PCDH11X: variants seen among roughly 807,000 people sequenced by gnomAD.
PCDH11X encodes protocadherin 11 X-linked, also known as protocadherin-11 X-linked.
A neutral mutation model predicts 53.3 loss-of-function variants in PCDH11X; 18 were observed. The ratio of observed to expected loss-of-function variants is 0.34; its 90% CI spans 0.23 to 0.50. The LOEUF is 0.50. Among genes scored for constraint, PCDH11X ranks in the 20% least tolerant of loss-of-function variants. PCDH11X has a pLI of 0.98. For synonymous variants in PCDH11X, 279 were observed against 393.3 expected, an observed-to-expected ratio of 0.71 and a Z score of 3.44; for missense variants, 570 against 1,032.4, an observed-to-expected ratio of 0.55 and a Z score of 6.14.
chrX:92,144,102 C>G (rs1296862308), intron 6 of PCDH11X, among the ~76,000 whole-genome samples: 1 of 111,514 alleles, frequency 9.0e-6, no homozygotes, highest in African/African-American at 3.3e-5. Flanking sequence ...AATACCTGAA[C>G]CCCCATTGTA....
intron 6 of PCDH11X, among the ~76,000 whole-genome samples, chrX:92,148,070 C>CTTTCTTTG (rs2065338158): frequency 1.3e-4 from 1 of 7,460 alleles, no homozygotes; most frequent in South Asian, 8.6e-3. Flanking sequence ...TTCTTTCTTT[C>CTTTCTTTG]TTTCTTTCTT....
intron 10 of PCDH11X, among the ~76,000 whole-genome samples, chrX:92,507,071 C>T: frequency 1.8e-5 from 2 of 110,207 alleles, no homozygotes; most frequent in Middle Eastern, 9.5e-3. Flanking sequence ...TATTAAAGCC[C>T]CCTTTTTCAT....
intron 9 of PCDH11X, among the ~76,000 whole-genome samples, chrX:92,388,582 T>C (rs1177822976): frequency 9.2e-6 from 1 of 108,954 alleles, no homozygotes; most frequent in East Asian, 2.9e-4. Context: ...CTTGAACGTG[T>C]AGCGAACAAC....
chrX:91,825,175 G>A (rs1487792414), intron 4 of PCDH11X, among the ~76,000 whole-genome samples: 1 of 108,778 alleles, frequency 9.2e-6, no homozygotes, highest in South Asian at 3.7e-4. Flanking sequence ...GAGGCAAGCA[G>A]GCCTCCTTGA....
At chrX:92,581,539 C>T (rs947912647) in intron 10 of PCDH11X, among the ~76,000 whole-genome samples, 2 of 111,853 alleles carry the variant, frequency 1.8e-5, no homozygotes, top group Admixed American at 9.5e-5. Context: ...GATTGTGAGG[C>T]CTCCCCAGCC....
rs1049004674 is a variant in PCDH11X at position 92,240,869 on chromosome X, G to A, written c.3115-22245G>A. Among the ~76,000 whole-genome samples the A allele has an allele frequency of 7.3e-5, 8 of 108,890 alleles. No homozygotes were observed. In the East Asian group the frequency reaches 8.7e-4, roughly 12 times the overall value. The allele number at this position is 108,890 out of a possible 115,157, so 94.6% of individuals were successfully genotyped here. A position where few individuals can be genotyped will look rare whatever the true frequency, so the allele number is the denominator to read the frequency against. On this transcript the variant is annotated intron_variant, in intron 7 of 10. Coordinates refer to ENST00000682573, the MANE Select transcript of PCDH11X (RefSeq NM_032968.5). ...TTTTTTTTAGCAGTTTACTTTTCTC[G>A]ATCACTTAAAGTTTGCCTGATAAGT...
chrX:91,850,996 T>C, intron 5 of PCDH11X, among the ~76,000 whole-genome samples: 1 of 110,803 alleles, frequency 9.0e-6, no homozygotes, highest in Non-Finnish European at 1.9e-5. Context: ...GATGCAATGT[T>C]ATAATAGGTA....
In PCDH11X at chrX:92,623,128, C is replaced by T. The variant is rs1423040474; in HGVS notation, c.*4188C>T. 6 of 110,282 alleles carry T rather than the reference C, an allele frequency of 5.4e-5. No individual in the cohort carries two copies. Among genetic ancestry groups the T allele is most frequent in the Admixed American group, 9.8e-5 (1 of 10,228 alleles). 9.1% of individuals were successfully genotyped at this position (110,282 alleles called of 1,213,427 possible). ...TTGACTATTGTATGGCCAAGGATGG[C>T]AGTATGTAATCCAGAAGCAAACTTG... On this transcript the variant is annotated 3_prime_UTR_variant, in exon 11 of 11. Coordinates refer to ENST00000682573, the MANE Select transcript of PCDH11X (RefSeq NM_032968.5).
chrX:92,054,744 C>A (rs370802217), intron 6 of PCDH11X, among the ~76,000 whole-genome samples: 2 of 99,152 alleles, frequency 2.0e-5, no homozygotes, highest in Admixed American at 2.4e-4. Flanking sequence ...CACTTGAACC[C>A]GGGAGGCAGA....
rs1195025171 is a variant in PCDH11X at position 91,983,182 on chromosome X, C to T, written c.3033+103909C>T. 5.2e-5 allele frequency: 46 copies of T among 883,846 alleles called. No individual in the cohort carries two copies. The East Asian group carries it at 1.2e-3, about 24-fold the overall frequency. 72.8% of individuals were successfully genotyped at this position (883,846 alleles called of 1,213,427 possible). A position where few individuals can be genotyped will look rare whatever the true frequency, so the allele number is the denominator to read the frequency against. On this transcript the variant is annotated intron_variant, in intron 6 of 10. Coordinates refer to ENST00000682573, the MANE Select transcript of PCDH11X (RefSeq NM_032968.5). ...GTCTTGATTTTAGCATCTTTTTTCC[C>T]CCAGTCTTAGGTAAGAAGGATGAAT...
At chrX:91,893,446 A>G (rs1212676030) in intron 6 of PCDH11X, among the ~76,000 whole-genome samples, 2 of 104,098 alleles carry the variant, frequency 1.9e-5, no homozygotes, top group Admixed American at 2.2e-4. Flanking sequence ...TAGGCATTTT[A>G]GCACAAGAAG....
intron 6 of PCDH11X, among the ~76,000 whole-genome samples, chrX:91,952,188 A>G (rs998738715): frequency 9.0e-6 from 1 of 111,362 alleles, no homozygotes; most frequent in African/African-American, 3.3e-5. Flanking sequence ...AATACACTTT[A>G]AAAGATCTAT....
rs934511378 is a variant in PCDH11X at position 92,201,388 on chromosome X, T to C, written c.3047T>C (p.Val1016Ala). The stretch of plus-strand genomic sequence containing the variant: ...TCCCTTCTAAAGCCAATGAAGGAGG[T>C]TGTGCGATCTTGCACCCCCATGAAA... Reference protein sequence around the residue: ...SVHTRPPMKEVVRSCTPMKES... With the variant: ...SVHTRPPMKEAVRSCTPMKES... The change falls in exon 7 of 11, where the codon GTT becomes GCT. Residue 1016 changes from valine (V) to alanine (A), a missense_variant. Coordinates refer to ENST00000682573, the MANE Select transcript of PCDH11X (RefSeq NM_032968.5). 8.3e-7 allele frequency: 1 copy of C among 1,199,287 alleles called. No homozygotes were observed. Among genetic ancestry groups the C allele is most frequent in the Non-Finnish European group, 1.1e-6 (1 of 888,576 alleles).
chrX:91,972,759 A>T (rs2147911288), intron 6 of PCDH11X, among the ~76,000 whole-genome samples: 1 of 109,782 alleles, frequency 9.1e-6, no homozygotes, highest in East Asian at 2.9e-4. Context: ...AGATGGTTGT[A>T]GATATGCGGC....
chrX:92,537,781 G>C (rs2074691850), intron 10 of PCDH11X, among the ~76,000 whole-genome samples: 1 of 106,474 alleles, frequency 9.4e-6, no homozygotes, highest in African/African-American at 3.4e-5. Flanking sequence ...AAGACAATCT[G>C]ATTTATTTTT....
At chrX:92,019,277 G>C (rs2062846349) in intron 6 of PCDH11X, among the ~76,000 whole-genome samples, 1 of 109,014 alleles carries the variant, frequency 9.2e-6, no homozygotes, top group African/African-American at 3.4e-5. Flanking sequence ...AGACCCCCTT[G>C]ACCCCACTAA....
chrX:92,244,407 C>T (rs1425518971), intron 7 of PCDH11X, among the ~76,000 whole-genome samples: 4 of 109,345 alleles, frequency 3.7e-5, no homozygotes, highest in Non-Finnish European at 3.8e-5. Context: ...CTTTTACTGT[C>T]ATTCAAAGCA....
chrX:91,976,115 C>T (rs111673729), intron 6 of PCDH11X, among the ~76,000 whole-genome samples: 2,052 of 111,321 alleles, frequency 0.018, 36 homozygotes, highest in African/African-American at 0.062. Flanking sequence ...TGCAGTGGTG[C>T]GATCAGGGCT....
intron 7 of PCDH11X, among the ~76,000 whole-genome samples, chrX:92,240,067 T>C (rs1376559831): frequency 8.9e-6 from 1 of 112,095 alleles, no homozygotes; most frequent in East Asian, 2.8e-4. Flanking sequence ...ATAGGTTTTA[T>C]AGGTTGGAAG....
Sources: gnomAD v4.1 joint callset for allele counts (sites outside exome capture counted in the v4.1 genomes callset) on GRCh38, gnomAD v4.1.1 for gene constraint, MANE v1.5 for transcripts, NCBI Gene and HGNC (gene_info 2026-07-23, HGNC 2026-07-21) for gene names.